Variants in RGS9 observed in about 807,000 individuals in gnomAD.
RGS9 encodes the protein regulator of G-protein signalling 9.
Under a neutral mutation model 102.0 loss-of-function variants are expected in RGS9, and 78 were observed. The observed-to-expected ratio is 0.76, with a 90% CI of 0.64 to 0.92. The LOEUF is 0.92. Ranked by LOEUF, RGS9 falls within the 40% of genes least tolerant of loss-of-function variation. The pLI is 0.00. For missense variants in RGS9, 833 were observed against 866.1 expected (o/e 0.96, Z 0.48); for synonymous variants, 353 against 318.6 (o/e 1.11, Z -1.15).
At chr17:65,141,874 G>T (rs2143947767) in intron 1 of RGS9, among the ~76,000 whole-genome samples, 1 of 152,384 alleles carries the variant, frequency 6.6e-6, no homozygotes, top group Admixed American at 6.5e-5. Context: ...TAGCATGGTG[G>T]TTTGGGAGAT....
At chr17:65,188,959 T>C (rs1479201596) in intron 9 of RGS9, 1 of 365,452 alleles carries the variant, frequency 2.7e-6, no homozygotes, top group Non-Finnish European at 5.0e-6. Context: ...GGAATCTGTA[T>C]CTCTCACTCT....
chr17:65,192,456 A>T (rs1359199942), intron 11 of RGS9, among the ~76,000 whole-genome samples: 1 of 152,038 alleles, frequency 6.6e-6, no homozygotes, highest in Non-Finnish European at 1.5e-5. Flanking sequence ...CTCTACAAAG[A>T]ATAAAAAAAA....
rs982923069 is a variant in RGS9 at position 65,177,769 on chromosome 17, G to A, written c.620G>A (p.Arg207Gln). ...AATGTGCTGGACTACGGCCTGGACCGAGTGACCAATCCGAATGAAGTCAAG... is the reference window on the plus strand; with the variant it reads ...AATGTGCTGGACTACGGCCTGGACCAAGTGACCAATCCGAATGAAGTCAAG... Reference protein sequence around the residue: ...MDNVLDYGLDRVTNPNEVKVN... With the variant: ...MDNVLDYGLDQVTNPNEVKVN... The change falls in exon 9 of 19, where the codon CGA (arginine) becomes CAA (glutamine). Residue 207 changes from arginine to glutamine, a missense_variant. Transcript: ENST00000262406. 8.7e-6 allele frequency: 14 copies of A among 1,614,200 alleles called. No homozygotes were observed. Among genetic ancestry groups the A allele is most frequent in the Middle Eastern group, 1.6e-4 (1 of 6,062 alleles).
chr17:65,171,480 C>T (rs563444932), intron 8 of RGS9, among the ~76,000 whole-genome samples: 3 of 152,160 alleles, frequency 2.0e-5, no homozygotes, highest in Non-Finnish European at 4.4e-5. Context: ...CAAGGAGGCC[C>T]CACCCGTGGT....
chr17:65,196,395 A>C (rs1182827258), intron 12 of RGS9, among the ~76,000 whole-genome samples: 1 of 152,214 alleles, frequency 6.6e-6, no homozygotes, highest in African/African-American at 2.4e-5. Flanking sequence ...CCTTAGTTTC[A>C]AAGGTCTGTG....
chr17:65,139,119 CT>C (rs1910048506), intron 1 of RGS9, among the ~76,000 whole-genome samples: 4 of 11,726 alleles, frequency 3.4e-4, no homozygotes, highest in Admixed American at 1.9e-3. Flanking sequence ...TCCACCCCAC[CT>C]TTCCCTCCTC....
At chr17:65,188,035 G>A (rs1368521894) in intron 9 of RGS9, among the ~76,000 whole-genome samples, 2 of 152,026 alleles carry the variant, frequency 1.3e-5, no homozygotes, top group Non-Finnish European at 2.9e-5. Flanking sequence ...ACAAAAAGAG[G>A]CTCCTCTTGA....
intron 17 of RGS9, among the ~76,000 whole-genome samples, chr17:65,223,244 T>A (rs1905439635): frequency 6.6e-6 from 1 of 152,230 alleles, no homozygotes; most frequent in Non-Finnish European, 1.5e-5. Flanking sequence ...GAATTAATGA[T>A]GTGATTGTTA....
intron 9 of RGS9, among the ~76,000 whole-genome samples, chr17:65,186,162 TTTTATTTATTTATTTATTTATTTA>T (rs60422854): frequency 7.2e-6 from 1 of 137,968 alleles, no homozygotes; most frequent in Non-Finnish European, 1.5e-5. Flanking sequence ...TTGGTTTACA[TTTTATTTATTTATTTATTTATTTA>T]TTTATTTATT....
At chr17:65,157,915 GTGTA>G (rs1024197757) in intron 2 of RGS9, among the ~76,000 whole-genome samples, 8 of 151,918 alleles carry the variant, frequency 5.3e-5, no homozygotes, top group African/African-American at 1.9e-4. Flanking sequence ...TTTTGTGTGT[GTGTA>G]TGTGTGTGTG....
chr17:65,201,991 A>G lies in RGS9; in HGVS notation c.977-2A>G. ...CATCCACGTGGACTTCTCACCATGCAGGAGAGAATCTGGGATTCTGGGAAG... is the reference window on the plus strand; with the variant it reads ...CATCCACGTGGACTTCTCACCATGCGGGAGAGAATCTGGGATTCTGGGAAG... On this transcript the variant is annotated splice_acceptor_variant, in intron 13 of 18. Transcript: ENST00000262406. LOFTEE classifies it high-confidence loss of function. 1.2e-6 allele frequency: 2 copies of G among 1,601,356 alleles called. No homozygotes were observed. Among genetic ancestry groups the G allele is most frequent in the Non-Finnish European group, 1.7e-6 (2 of 1,168,502 alleles).
At chr17:65,203,903 C>G (rs778812339) in intron 14 of RGS9, among the ~76,000 whole-genome samples, 2 of 152,176 alleles carry the variant, frequency 1.3e-5, no homozygotes, top group African/African-American at 4.8e-5. Context: ...TGGGCCCCAG[C>G]CCCTTCTTGC....
Position 65,225,497 on chromosome 17 carries a change from G to A in RGS9, c.1892+11G>A, listed in dbSNP as rs764443867. On this transcript the variant is annotated intron_variant, in intron 18 of 18. Transcript: ENST00000262406. ...CAAGAGAGTAGCAAAGTAAGAACCC[G>A]AAGGGGACGTGCCGTATGCATGGGT... The A allele has an allele frequency of 4.8e-5, 77 of 1,600,130 alleles. No homozygotes were observed. Among genetic ancestry groups the A allele is most frequent in the Middle Eastern group, 1.6e-4 (1 of 6,082 alleles).
intron 5 of RGS9, 111 bp from the exon 6 acceptor site, chr17:65,160,738 GGT>G (rs1212663513): frequency 1.4e-6 from 2 of 1,389,426 alleles, no homozygotes; most frequent in African/African-American, 2.9e-5. Context: ...CAAGGGGCTG[GGT>G]GTGCTGAGCG....
intron 16 of RGS9, among the ~76,000 whole-genome samples, chr17:65,210,079 G>A (rs755963813): frequency 2.6e-5 from 4 of 151,820 alleles, no homozygotes; most frequent in Admixed American, 2.0e-4. Context: ...CTCTGTCCCC[G>A]CTGCCCACCC....
chr17:65,205,174 G>T (rs549929690), intron 15 of RGS9, among the ~76,000 whole-genome samples: 85 of 152,284 alleles, frequency 5.6e-4, no homozygotes, highest in African/African-American at 1.9e-3. Flanking sequence ...ACTAGAATCG[G>T]AGGCTCAGAG....
chr17:65,204,048 C>A, intron 14 of RGS9, 115 bp from the exon 15 acceptor site: 1 of 1,271,138 alleles, frequency 7.9e-7, no homozygotes, highest in Non-Finnish European at 1.1e-6. Context: ...AAAAAAACCA[C>A]CACCCTCACC....
intron 8 of RGS9, among the ~76,000 whole-genome samples, chr17:65,177,515 A>C (rs1371170893): frequency 2.0e-5 from 3 of 151,908 alleles, no homozygotes; most frequent in Non-Finnish European, 2.9e-5. Context: ...CTTCCATCTC[A>C]CTATGTTAGG....
At chr17:65,215,544 C>CT (rs1228869868) in intron 17 of RGS9, among the ~76,000 whole-genome samples, 35 of 105,204 alleles carry the variant, frequency 3.3e-4, no homozygotes, top group Admixed American at 2.0e-3. Context: ...TTCTTTCTTT[C>CT]TTTTTTTTTG....
Sources: gnomAD v4.1 joint callset for allele counts (sites outside exome capture counted in the v4.1 genomes callset) on GRCh38, gnomAD v4.1.1 for gene constraint, MANE v1.5 for transcripts, NCBI Gene and HGNC (gene_info 2026-07-23, HGNC 2026-07-21) for gene names.